Variants in SLC9A9 observed in about 807,000 individuals in gnomAD.
SLC9A9 encodes solute carrier family 9 member A9.
SLC9A9 carries 62 observed loss-of-function variants against 77.8 expected under a neutral mutation model. That is an observed-to-expected ratio of 0.80 (90% confidence interval 0.65 to 0.98). The LOEUF (loss-of-function observed/expected upper bound fraction) is 0.98, where lower values mean the gene tolerates loss of function less well. SLC9A9 is among the 50% of genes least tolerant of loss of function. The pLI is 0.00. For synonymous variants in SLC9A9, 320 were observed against 283.5 expected (o/e 1.13, Z -1.29); for missense variants, 775 against 774.9 (o/e 1.00, Z 0.00).
At chr3:143,356,411 T>C (rs1393516017) in intron 14 of SLC9A9, among the ~76,000 whole-genome samples, 2 of 152,178 alleles carry the variant, frequency 1.3e-5, no homozygotes. Flanking sequence ...ATCCAAGTTG[T>C]TACCTGAACA....
intron 12 of SLC9A9, among the ~76,000 whole-genome samples, chr3:143,396,588 A>T (rs2033735543): frequency 6.6e-6 from 1 of 152,204 alleles, no homozygotes; most frequent in African/African-American, 2.4e-5. Context: ...ACCTTAAAGT[A>T]TAATAATAAA....
chr3:143,579,182 T>C lies in SLC9A9; in HGVS notation c.756-459A>G, dbSNP rs546470825. On this transcript the variant is annotated intron_variant, in intron 6 of 15. Coordinates refer to ENST00000316549, the MANE Select transcript of SLC9A9 (RefSeq NM_173653.4). ...ACCGTGTGCACAAAATATTCTGCCA[T>C]GATCTTGTCATAAACCACAAAGCAT... Among the ~76,000 whole-genome samples, 410 of 152,332 alleles carry C rather than the reference T, an allele frequency of 2.7e-3. 1 individual carries two copies. The highest frequency in any genetic ancestry group is 4.0e-3 in the Non-Finnish European group (271 of 68,036).
At chr3:143,394,929 C>G (rs11708401) in intron 12 of SLC9A9, among the ~76,000 whole-genome samples, 31,515 of 152,088 alleles carry the variant, frequency 0.21, 3,465 homozygotes, top group Middle Eastern at 0.26. Flanking sequence ...CTACAAACCA[C>G]TGCTCAGTGA....
chr3:143,308,527 G>A (rs541683574), intron 14 of SLC9A9, among the ~76,000 whole-genome samples: 1 of 151,702 alleles, frequency 6.6e-6, no homozygotes, highest in Non-Finnish European at 1.5e-5. Context: ...AGTGAGCCGA[G>A]ATCGCACCAC....
chr3:143,276,300 A>G (rs926365461), intron 14 of SLC9A9, among the ~76,000 whole-genome samples: 3 of 152,184 alleles, frequency 2.0e-5, no homozygotes, highest in Non-Finnish European at 2.9e-5. Flanking sequence ...CCGTTGACTA[A>G]TCTTCAGGTC....
chr3:143,668,186 A>G (rs1408351246), intron 5 of SLC9A9, among the ~76,000 whole-genome samples: 1 of 152,054 alleles, frequency 6.6e-6, no homozygotes, highest in African/African-American at 2.4e-5. Context: ...TTGTAGGGAC[A>G]TGGATGAAGC....
chr3:143,383,892 T>G (rs576813617), intron 12 of SLC9A9, among the ~76,000 whole-genome samples: 1 of 152,290 alleles, frequency 6.6e-6, no homozygotes, highest in South Asian at 2.1e-4. Flanking sequence ...TAACTCCTTA[T>G]AAGGAGAACA....
At chr3:143,739,709 G>C (rs572404448) in intron 4 of SLC9A9, among the ~76,000 whole-genome samples, 1 of 152,052 alleles carries the variant, frequency 6.6e-6, no homozygotes, top group Non-Finnish European at 1.5e-5. Context: ...ACATATTCAG[G>C]GTTAATCTGT....
At chr3:143,831,299 C>T (rs2009428674) in intron 2 of SLC9A9, among the ~76,000 whole-genome samples, 1 of 152,124 alleles carries the variant, frequency 6.6e-6, no homozygotes, top group Non-Finnish European at 1.5e-5. Context: ...AAAGACTGAT[C>T]CAGGGTTTAC....
At chr3:143,267,369 G>GTTTTT (rs1937758061) in intron 15 of SLC9A9, among the ~76,000 whole-genome samples, 1 of 83,822 alleles carries the variant, frequency 1.2e-5, no homozygotes, top group African/African-American at 1.3e-4. Context: ...TTTTTTTTGA[G>GTTTTT]ACAGAGTCTC....
chr3:143,296,322 C>T (rs950091116), intron 14 of SLC9A9, among the ~76,000 whole-genome samples: 2 of 152,128 alleles, frequency 1.3e-5, no homozygotes, highest in Non-Finnish European at 2.9e-5. Flanking sequence ...AGTATTTGTC[C>T]TTTTGTGACT....
chr3:143,336,404 A>G (rs912162402), intron 14 of SLC9A9, among the ~76,000 whole-genome samples: 1 of 152,212 alleles, frequency 6.6e-6, no homozygotes, highest in African/African-American at 2.4e-5. Context: ...ATCCAAAAGA[A>G]TTGAAAGCAG....
At chr3:143,844,562 A>G (rs984986667) in intron 1 of SLC9A9, among the ~76,000 whole-genome samples, 4 of 152,234 alleles carry the variant, frequency 2.6e-5, no homozygotes, top group Non-Finnish European at 5.9e-5. Context: ...AGCCAAATTC[A>G]TTGATAAGCA....
In SLC9A9 at chr3:143,469,158, TCAAACAAACAAA is replaced by T. The variant is rs140705518; in HGVS notation, c.1316-1980_1316-1969del. On this transcript the variant is annotated intron_variant, in intron 11 of 15. Transcript: ENST00000316549. The stretch of plus-strand genomic sequence containing the variant: ...CTGCATGACAGAGTGAGACTTCATC[TCAAACAAACAAA>T]CAAACAAACAAAAAACAAATACTAG... Among the ~76,000 whole-genome samples the T allele has an allele frequency of 3.3e-5, 5 of 152,058 alleles. No homozygotes were observed. The East Asian group carries it at 9.7e-4, about 29-fold the overall frequency.
In SLC9A9 at chr3:143,480,088, G is replaced by C. The variant is rs530141582; in HGVS notation, c.1316-12898C>G. Among the ~76,000 whole-genome samples the C allele has an allele frequency of 5.3e-4, 81 of 152,192 alleles. 1 individual carries two copies. Among genetic ancestry groups the C allele is most frequent in the Non-Finnish European group, 4.0e-4 (27 of 68,040 alleles). ...GCCTAGGGCACTGAGGTTTGAACGGGTTTAATCACACAGTTCCAGGTGGCT... is the reference window on the plus strand; with the variant it reads ...GCCTAGGGCACTGAGGTTTGAACGGCTTTAATCACACAGTTCCAGGTGGCT... On this transcript the variant is annotated intron_variant, in intron 11 of 15. Transcript: ENST00000316549.
At chr3:143,307,729 T>A (rs956817661) in intron 14 of SLC9A9, among the ~76,000 whole-genome samples, 1 of 152,186 alleles carries the variant, frequency 6.6e-6, no homozygotes, top group Non-Finnish European at 1.5e-5. Context: ...GCTTACCCAC[T>A]TTCTTCCTGG....
At chr3:143,587,022 C>T (rs919862555) in intron 6 of SLC9A9, among the ~76,000 whole-genome samples, 4 of 152,156 alleles carry the variant, frequency 2.6e-5, no homozygotes, top group African/African-American at 9.7e-5. Context: ...AAATGTATAC[C>T]AGAGAGTGAT....
intron 4 of SLC9A9, among the ~76,000 whole-genome samples, chr3:143,785,394 C>G (rs1195583251): frequency 6.6e-6 from 1 of 152,140 alleles, no homozygotes; most frequent in Non-Finnish European, 1.5e-5. Context: ...ACCTGTGCCC[C>G]CCAGAACAAT....
intron 4 of SLC9A9, among the ~76,000 whole-genome samples, chr3:143,788,027 G>A (rs767196743): frequency 5.9e-4 from 90 of 151,966 alleles, no homozygotes; most frequent in Non-Finnish European, 9.9e-4. Flanking sequence ...GTATGGTATT[G>A]GTGCAGGGAT....
Sources: gnomAD v4.1 joint callset for allele counts (sites outside exome capture counted in the v4.1 genomes callset) on GRCh38, gnomAD v4.1.1 for gene constraint, MANE v1.5 for transcripts, NCBI Gene and HGNC (gene_info 2026-07-23, HGNC 2026-07-21) for gene names.